KCTD16: variants seen among roughly 807,000 people sequenced by gnomAD.
KCTD16 encodes the protein potassium channel tetramerization domain containing 16.
Under a neutral mutation model 33.2 loss-of-function variants are expected in KCTD16, and 13 were observed. The observed-to-expected ratio is 0.39, with a 90% CI of 0.25 to 0.62. The LOEUF (loss-of-function observed/expected upper bound fraction) is 0.62. KCTD16 is among the 20% of genes least tolerant of loss of function. The pLI is 0.50. For missense variants in KCTD16, 441 were observed against 525.1 expected, an observed-to-expected ratio of 0.84 and a Z score of 1.57; for synonymous variants, 197 against 195.3, an observed-to-expected ratio of 1.01 and a Z score of -0.07.
intron 3 of KCTD16, among the ~76,000 whole-genome samples, chr5:144,413,095 T>A (rs1324552444): frequency 6.6e-6 from 1 of 152,244 alleles, no homozygotes; most frequent in East Asian, 1.9e-4. Context: ...CATTTTTGCA[T>A]GTACCCTGAA....
At chr5:144,322,955 G>A (rs1752112284) in intron 3 of KCTD16, among the ~76,000 whole-genome samples, 1 of 152,070 alleles carries the variant, frequency 6.6e-6, no homozygotes, top group African/African-American at 2.4e-5. Flanking sequence ...AAAGGAAATA[G>A]AATGATATAA....
At chr5:144,352,502 C>T (rs1473327358) in intron 3 of KCTD16, among the ~76,000 whole-genome samples, 2 of 152,188 alleles carry the variant, frequency 1.3e-5, no homozygotes, top group Non-Finnish European at 2.9e-5. Context: ...ACTGGTGCTA[C>T]TTGGAAAAGA....
chr5:144,325,267 TC>T (rs1752176000), intron 3 of KCTD16, among the ~76,000 whole-genome samples: 1 of 152,144 alleles, frequency 6.6e-6, no homozygotes, highest in Non-Finnish European at 1.5e-5. Flanking sequence ...GCTACCCTTG[TC>T]TCTTATCAAG....
At chr5:144,340,186 G>A (rs1228604267) in intron 3 of KCTD16, among the ~76,000 whole-genome samples, 1 of 151,664 alleles carries the variant, frequency 6.6e-6, no homozygotes, top group Admixed American at 6.6e-5. Context: ...AGGCCGAGAT[G>A]GGTGGATCAC....
chr5:144,452,419 T>C (rs1476458997), intron 3 of KCTD16, among the ~76,000 whole-genome samples: 4 of 151,608 alleles, frequency 2.6e-5, no homozygotes, highest in Non-Finnish European at 5.9e-5. Context: ...GAGAGAGGGA[T>C]TGTGAATCAC....
At chr5:144,405,698 G>A (rs1021723137) in intron 3 of KCTD16, among the ~76,000 whole-genome samples, 4 of 152,124 alleles carry the variant, frequency 2.6e-5, no homozygotes, top group African/African-American at 4.8e-5. Flanking sequence ...CTTAGAATGC[G>A]GGAAGCTGCT....
intron 3 of KCTD16, among the ~76,000 whole-genome samples, chr5:144,421,685 C>G (rs1753214170): frequency 6.6e-6 from 1 of 152,124 alleles, no homozygotes; most frequent in South Asian, 2.1e-4. Context: ...TCCAGCAATA[C>G]TAGGATTGGC....
intron 3 of KCTD16, among the ~76,000 whole-genome samples, chr5:144,374,409 A>G (rs923485636): frequency 6.6e-6 from 1 of 152,184 alleles, no homozygotes; most frequent in Admixed American, 6.5e-5. Context: ...TACTAGGGGA[A>G]GGCGACAGTG....
chr5:144,214,818 G>A (rs1483140548), intron 3 of KCTD16, among the ~76,000 whole-genome samples: 3 of 152,070 alleles, frequency 2.0e-5, no homozygotes, highest in Admixed American at 6.6e-5. Flanking sequence ...ATTCTACTTG[G>A]TTATTTACCT....
intron 3 of KCTD16, among the ~76,000 whole-genome samples, chr5:144,256,430 C>T (rs576433390): frequency 5.3e-5 from 8 of 152,132 alleles, no homozygotes; most frequent in Admixed American, 2.0e-4. Context: ...AAGAGAAAGA[C>T]GGTCAAAACA....
At position 144,202,059 on chromosome 5, in the gene KCTD16, A is replaced by G. The variant is rs1184704445; in HGVS notation, c.-326-4330A>G. On this transcript the variant is annotated intron_variant, in intron 2 of 3. Transcript: ENST00000512467. ...ACAGAGGCGAAAACATATTTTATCA[A>G]TTTCACAATTTACCTAACATACGTC... Among the ~76,000 whole-genome samples the G allele has an allele frequency of 3.3e-5, 5 of 152,324 alleles. No homozygotes were observed. The South Asian group carries it at 6.2e-4, about 19-fold the overall frequency.
At chr5:144,204,236 T>G (rs1753109008) in intron 2 of KCTD16, among the ~76,000 whole-genome samples, 1 of 152,216 alleles carries the variant, frequency 6.6e-6, no homozygotes, top group African/African-American at 2.4e-5. Flanking sequence ...TTCACCTCCA[T>G]TTTTGTTTTT....
intron 3 of KCTD16, among the ~76,000 whole-genome samples, chr5:144,467,025 CACTATAT>C (rs1754353592): frequency 1.7e-5 from 2 of 114,756 alleles, no homozygotes; most frequent in Non-Finnish European, 3.6e-5. Flanking sequence ...ATATATATAA[CACTATAT>C]ATTATATATA....
At chr5:144,192,388 A>G (rs930265812) in intron 2 of KCTD16, among the ~76,000 whole-genome samples, 1 of 152,244 alleles carries the variant, frequency 6.6e-6, no homozygotes, top group African/African-American at 2.4e-5. Context: ...ATTTCATTCT[A>G]TCAAGTTCTG....
intron 3 of KCTD16, among the ~76,000 whole-genome samples, chr5:144,243,787 A>T (rs1754470372): frequency 6.6e-6 from 1 of 152,108 alleles, no homozygotes. Context: ...TTCTGTCACC[A>T]GGATGGAGTG....
intron 3 of KCTD16, among the ~76,000 whole-genome samples, chr5:144,435,446 T>C (rs189913359): frequency 3.4e-4 from 52 of 152,340 alleles, no homozygotes; most frequent in Admixed American, 2.4e-3. Context: ...TTTTTAAATA[T>C]AGAACTACCT....
intron 2 of KCTD16, among the ~76,000 whole-genome samples, chr5:144,195,680 A>G (rs1752926775): frequency 6.6e-6 from 1 of 152,212 alleles, no homozygotes; most frequent in South Asian, 2.1e-4. Flanking sequence ...AATATTTCTG[A>G]GATCATCAGC....
At chr5:144,426,645 T>A (rs1459455715) in intron 3 of KCTD16, among the ~76,000 whole-genome samples, 1 of 152,136 alleles carries the variant, frequency 6.6e-6, no homozygotes, top group East Asian at 1.9e-4. Flanking sequence ...ATAAGTTTAT[T>A]TGGCTCATGA....
chr5:144,244,588 G>A (rs190004593), intron 3 of KCTD16, among the ~76,000 whole-genome samples: 1 of 152,246 alleles, frequency 6.6e-6, no homozygotes, highest in South Asian at 2.1e-4. Flanking sequence ...AGGTCAATGT[G>A]TGATCCATTA....
Sources: gnomAD v4.1 joint callset for allele counts (sites outside exome capture counted in the v4.1 genomes callset) on GRCh38, gnomAD v4.1.1 for gene constraint, MANE v1.5 for transcripts, NCBI Gene and HGNC (gene_info 2026-07-23, HGNC 2026-07-21) for gene names.